The following B4GALNT3 variants were observed in gnomAD, a reference collection of about 807,000 sequenced individuals.
The protein encoded by B4GALNT3 is beta-1,4-N-acetyl-galactosaminyltransferase 3.
In B4GALNT3, 86 loss-of-function variants were observed where a neutral mutation model predicts 120.2. That is an observed-to-expected ratio of 0.72 (90% CI 0.60 to 0.86). B4GALNT3 has a LOEUF of 0.86. Ranked by LOEUF, B4GALNT3 falls within the 40% of genes least tolerant of loss-of-function variation. The pLI is 0.00. For missense variants in B4GALNT3, 1,167 were observed against 1,298.9 expected (o/e 0.90, Z 1.56); for synonymous variants, 518 against 510.4 (o/e 1.01, Z -0.20).
At chr12:556,168 G>T (rs1384823576) in intron 14 of B4GALNT3, among the ~76,000 whole-genome samples, 1 of 152,148 alleles carries the variant, frequency 6.6e-6, no homozygotes, top group Non-Finnish European at 1.5e-5. Context: ...AGTGACTAAT[G>T]ATTTTGAGCC....
chr12:462,185 GCTC>G (rs1946028585), intron 1 of B4GALNT3, among the ~76,000 whole-genome samples: 1 of 152,118 alleles, frequency 6.6e-6, no homozygotes, highest in Admixed American at 6.6e-5. Context: ...AAATGGATGA[GCTC>G]CTTTGGAGTG....
In B4GALNT3 at chr12:548,542, T is replaced by A. The variant is rs1947036313; in HGVS notation, c.853+245T>A. Among the ~76,000 whole-genome samples the A allele has an allele frequency of 6.6e-6, 1 of 152,112 alleles. No homozygotes were observed. The highest frequency in any genetic ancestry group is 2.4e-5 in the African/African-American group (1 of 41,402). ...AGCCCTTGCCTCAGAAAAATGCCCTTGTCTACCCACCCACACACAACATTT... is the reference window on the plus strand; with the variant it reads ...AGCCCTTGCCTCAGAAAAATGCCCTAGTCTACCCACCCACACACAACATTT... On this transcript the variant is annotated intron_variant, in intron 9 of 19. Transcript: ENST00000266383. This position sits in a 1 kb window ranked among gnomAD's most constrained non-coding sequence, Gnocchi z 4.9.
intron 1 of B4GALNT3, among the ~76,000 whole-genome samples, chr12:501,154 C>T (rs1477273548): frequency 6.6e-6 from 1 of 152,080 alleles, no homozygotes; most frequent in Non-Finnish European, 1.5e-5. Flanking sequence ...GGATTATAGG[C>T]GTGAGCCATT....
At chr12:495,202 G>A (rs548523909) in intron 1 of B4GALNT3, among the ~76,000 whole-genome samples, 13 of 152,178 alleles carry the variant, frequency 8.5e-5, no homozygotes, top group Non-Finnish European at 1.8e-4. Context: ...CACTGTAACA[G>A]CCAGGATTTG....
At chr12:559,462 C>T (rs780100447) in intron 19 of B4GALNT3, 41 bp downstream of exon 19, 7 of 1,607,278 alleles carry the variant, frequency 4.4e-6, no homozygotes, top group South Asian at 2.2e-5. Context: ...CCTGGGAATT[C>T]CATGGCGCTC....
At chr12:479,504 G>A (rs1359398363) in intron 1 of B4GALNT3, among the ~76,000 whole-genome samples, 1 of 152,186 alleles carries the variant, frequency 6.6e-6, no homozygotes, top group African/African-American at 2.4e-5. Context: ...TCACCTAACA[G>A]CCAAGAAGAG....
chr12:486,966 G>A (rs1946296243), intron 1 of B4GALNT3, among the ~76,000 whole-genome samples: 1 of 152,094 alleles, frequency 6.6e-6, no homozygotes, highest in Non-Finnish European at 1.5e-5. Context: ...AGAACAGATG[G>A]CTAATGTAAG....
At chr12:540,199 G>A (rs1335057888) in intron 3 of B4GALNT3, among the ~76,000 whole-genome samples, 4 of 152,206 alleles carry the variant, frequency 2.6e-5, no homozygotes, top group South Asian at 2.1e-4. Flanking sequence ...GCCTGCCTTC[G>A]TGCGCCTCTG....
At chr12:524,506 A>C (rs1237133173) in intron 1 of B4GALNT3, among the ~76,000 whole-genome samples, 1 of 152,220 alleles carries the variant, frequency 6.6e-6, no homozygotes, top group Non-Finnish European at 1.5e-5. Context: ...TGCTGGTCCC[A>C]AACCCAGTCC....
rs1043140879 is a variant in B4GALNT3 at position 460,771 on chromosome 12, G to C, written c.169+226G>C. ...CCCGGGCCTGCCCGCCGGCCACGTG[G>C]GTCCGGGGCACCCTGGGGGCTCCTC... On this transcript the variant is annotated intron_variant, in intron 1 of 19. Transcript: ENST00000266383. The surrounding 1 kb of genome is among the most constrained non-coding windows in gnomAD (Gnocchi z 8.0). Among the ~76,000 whole-genome samples, 4 of 152,120 alleles carry C rather than the reference G, an allele frequency of 2.6e-5. No homozygotes were observed. Among genetic ancestry groups the C allele is most frequent in the African/African-American group, 9.7e-5 (4 of 41,442 alleles).
intron 1 of B4GALNT3, among the ~76,000 whole-genome samples, chr12:472,976 CTTTTTT>C (rs71439341): frequency 0.52 from 76,358 of 145,662 alleles, 19,895 homozygotes; most frequent in African/African-American, 0.61. Context: ...TGTTCAAACA[CTTTTTT>C]TTTTTTTTTT....
chr12:532,976 G>C (rs566203063), intron 1 of B4GALNT3, among the ~76,000 whole-genome samples: 1 of 152,320 alleles, frequency 6.6e-6, no homozygotes, highest in African/African-American at 2.4e-5. Flanking sequence ...GATGGGGCAG[G>C]CAGCATTTCG....
At chr12:511,729 T>TCTA (rs1312305057) in intron 1 of B4GALNT3, among the ~76,000 whole-genome samples, 1 of 40,164 alleles carries the variant, frequency 2.5e-5, no homozygotes. Flanking sequence ...CCTTCCACCT[T>TCTA]CCTTCCACCT....
At chr12:478,204 C>T (rs191276907) in intron 1 of B4GALNT3, among the ~76,000 whole-genome samples, 173 of 143,392 alleles carry the variant, frequency 1.2e-3, no homozygotes, top group African/African-American at 4.4e-3. Context: ...GAGCTGTGTT[C>T]GCACTACTGC....
At chr12:552,292 TACACACACACACACAC>T (rs10604398) in intron 12 of B4GALNT3, 129 bp downstream of exon 12, 1,508 of 626,780 alleles carry the variant, frequency 2.4e-3, no homozygotes, top group African/African-American at 6.3e-3. Context: ...TCCTGAGTAC[TACACACACACACACAC>T]ACACACACAC....
intron 15 of B4GALNT3, among the ~76,000 whole-genome samples, chr12:557,195 G>A (rs960856056): frequency 6.6e-6 from 1 of 152,180 alleles, no homozygotes; most frequent in Non-Finnish European, 1.5e-5. Flanking sequence ...TTAATGAAGT[G>A]ATGAGCAGGG....
At chr12:525,086 T>TTTTATTTATTTATTTATTTATGTA (rs1946748052) in intron 1 of B4GALNT3, among the ~76,000 whole-genome samples, 2 of 130,532 alleles carry the variant, frequency 1.5e-5, no homozygotes, top group Admixed American at 9.1e-5. Flanking sequence ...AATAACACAA[T>TTTTATTTATTTATTTATTTATGTA]TTTATTTATT....
In B4GALNT3 at chr12:559,296, C is replaced by T; in HGVS notation, c.2763C>T (p.Gly921=). The T allele has an allele frequency of 1.2e-6, 2 of 1,613,976 alleles. No homozygotes were observed. The highest frequency in any genetic ancestry group is 1.1e-5 in the South Asian group (1 of 91,070). ...CCCGAAGCTCCTGTCTGTCCACAGG[C>T]TACTGGGAGGTGAATGGGTTCGGGC... ...HCGATPQWPE[G]YWEVNGFGLL... is the part of the protein sequence containing the mutation. Residue 921 remains glycine (G), a splice_region_variant and synonymous_variant, in exon 19 of 20, where the codon GGC becomes GGT. Coordinates refer to ENST00000266383, the MANE Select transcript of B4GALNT3 (RefSeq NM_173593.4).
intron 1 of B4GALNT3, among the ~76,000 whole-genome samples, chr12:461,136 C>CGTCCT (rs1301237077): frequency 3.3e-5 from 5 of 152,108 alleles, no homozygotes; most frequent in African/African-American, 4.8e-5. Flanking sequence ...TCCCAGCCTC[C>CGTCCT]GTCCTCGGCT....
Sources: gnomAD v4.1 joint callset for allele counts (sites outside exome capture counted in the v4.1 genomes callset) on GRCh38, gnomAD v4.1.1 for gene constraint, Gnocchi (gnomAD v3.1) non-coding constraint, MANE v1.5 for transcripts, NCBI Gene and HGNC (gene_info 2026-07-23, HGNC 2026-07-21) for gene names.